PCM1: variants seen among roughly 807,000 people sequenced by gnomAD.
PCM1 encodes the protein pericentriolar material 1 protein.
A neutral mutation model predicts 241.9 loss-of-function variants in PCM1; 157 were observed. The ratio of observed to expected loss-of-function variants is 0.65; its 90% confidence interval spans 0.57 to 0.74. PCM1 has a LOEUF of 0.74. PCM1 is among the 30% of genes least tolerant of loss of function. The pLI is 0.00. For missense variants in PCM1, 3,478 were observed against 2,360.1 expected, an observed-to-expected ratio of 1.47 and a Z score of -9.81; for synonymous variants, 1,085 against 784.9, an observed-to-expected ratio of 1.38 and a Z score of -6.39.
intron 36 of PCM1, among the ~76,000 whole-genome samples, chr8:18,018,261 T>C (rs1297136020): frequency 1.3e-5 from 2 of 152,210 alleles, no homozygotes; most frequent in Non-Finnish European, 2.9e-5. Context: ...CTGCTCTGTT[T>C]CCTACAAGCA....
chr8:17,986,225 T>C (rs1454109598), intron 26 of PCM1, 138 bp downstream of exon 26: 5 of 559,328 alleles, frequency 8.9e-6, no homozygotes, highest in Non-Finnish European at 1.5e-5. Flanking sequence ...GTATAATGTG[T>C]TATTTTATTT....
chr8:17,955,703 A>T, intron 10 of PCM1, 50 bp downstream of exon 10: 1 of 1,374,786 alleles, frequency 7.3e-7, no homozygotes, highest in Non-Finnish European at 1.0e-6. Flanking sequence ...ATAGGGATAA[A>T]TTCTGTTTTT....
At chr8:18,005,469 T>C (rs1438220123) in intron 29 of PCM1, among the ~76,000 whole-genome samples, 1 of 151,774 alleles carries the variant, frequency 6.6e-6, no homozygotes, top group African/African-American at 2.4e-5. Flanking sequence ...TATAGATATG[T>C]ATTGGTGGGG....
At chr8:18,023,474 A>G (rs779441356) in intron 36 of PCM1, among the ~76,000 whole-genome samples, 3 of 152,214 alleles carry the variant, frequency 2.0e-5, no homozygotes, top group Admixed American at 6.5e-5. Flanking sequence ...TCTTCAAGCA[A>G]TACAATCTGA....
chr8:17,926,437 A>G (rs535189861), intron 2 of PCM1: 1 of 152,352 alleles, frequency 6.6e-6, no homozygotes, highest in South Asian at 2.1e-4. Flanking sequence ...ACTACAGATA[A>G]AACAGTGTGC....
Position 17,980,696 on chromosome 8 carries a change from A to G in PCM1, c.4049A>G (p.Lys1350Arg). The G allele has an allele frequency of 1.2e-6, 2 of 1,613,174 alleles. No homozygotes were observed. The highest frequency in any genetic ancestry group is 1.7e-4 in the Middle Eastern group (1 of 6,060). The change falls in exon 24 of 39, where the codon AAG becomes AGG. Residue 1350 changes from lysine (K) to arginine (R), a missense_variant. Physicochemically the swap from Lys to Arg is conservative, Grantham distance 26 (BLOSUM62 2). Coordinates refer to ENST00000325083, the MANE Select transcript of PCM1 (RefSeq NM_006197.4). ...GTTCAAGCAAAAGTATTCAGCAGAA[A>G]GAATCATGAGCAACTGGAAAAAATA... ...EPVQAKVFSR[K>R]NHEQLEKIIK...
chr8:17,928,415 T>C (rs1461021375), intron 2 of PCM1, among the ~76,000 whole-genome samples: 2 of 152,134 alleles, frequency 1.3e-5, no homozygotes, highest in Non-Finnish European at 2.9e-5. Context: ...GGAACACCTT[T>C]GGTTTCCTAC....
At chr8:17,929,501 G>T (rs919793253) in intron 2 of PCM1, among the ~76,000 whole-genome samples, 4 of 152,120 alleles carry the variant, frequency 2.6e-5, no homozygotes, top group African/African-American at 9.7e-5. Flanking sequence ...GTGTATTATA[G>T]GCACATCAAA....
In PCM1 at chr8:17,956,859, G is replaced by A. The variant is rs1209667814; in HGVS notation, c.1646+82G>A. 3.6e-6 allele frequency: 4 copies of A among 1,106,674 alleles called. No homozygotes were observed. In the East Asian group the frequency reaches 7.6e-5, roughly 21 times the overall value. The allele number at this position is 1,106,674 out of a possible 1,614,324, so 68.6% of individuals were successfully genotyped here. A position where few individuals can be genotyped will look rare whatever the true frequency, so the allele number is the denominator to read the frequency against. ...AATGTGGGAACAAAAATACTTCGTT[G>A]TAGTATTTACTATTTGCCTTTTATT... is the stretch of plus-strand genomic sequence containing the variant. On this transcript the variant is annotated intron_variant, in intron 11 of 38. Coordinates refer to ENST00000325083, the MANE Select transcript of PCM1 (RefSeq NM_006197.4).
intron 23 of PCM1, among the ~76,000 whole-genome samples, chr8:17,974,450 A>T (rs1231765248): frequency 6.6e-6 from 1 of 152,226 alleles, no homozygotes; most frequent in Admixed American, 6.5e-5. Flanking sequence ...TGAGTTTCAC[A>T]TGAATCTCCT....
intron 29 of PCM1, among the ~76,000 whole-genome samples, chr8:18,002,815 C>G (rs966913649): frequency 9.8e-5 from 12 of 122,234 alleles, no homozygotes; most frequent in South Asian, 2.3e-4. Context: ...TTGCATTTCT[C>G]TGATGGTCAG....
intron 15 of PCM1, 31 bp from the exon 16 acceptor site, chr8:17,962,003 C>G: frequency 6.3e-7 from 1 of 1,583,212 alleles, no homozygotes; most frequent in South Asian, 1.1e-5. Context: ...GCTTTAATTC[C>G]TCATAACGTT....
intron 9 of PCM1, among the ~76,000 whole-genome samples, chr8:17,954,321 G>A (rs1038002400): frequency 6.6e-6 from 1 of 151,974 alleles, no homozygotes; most frequent in Non-Finnish European, 1.5e-5. Flanking sequence ...CAGCTACTCC[G>A]GAGGCTGAGG....
rs544772180 is a variant in PCM1 at position 17,959,116 on chromosome 8, A to T, written c.2041-898A>T. 3.9e-5 allele frequency among the ~76,000 whole-genome samples: 6 copies of T among 152,266 alleles called. No individual in the cohort carries two copies. The South Asian group carries it at 1.2e-3, about 32-fold the overall frequency. On this transcript the variant is annotated intron_variant, in intron 13 of 38. Transcript: ENST00000325083. Reference sequence around the variant, plus strand: ...CAGTTAGGTACATCACTATGCACCTATTTTTAAAAAAATACATGACGTTTT... The same window carrying T: ...CAGTTAGGTACATCACTATGCACCTTTTTTTAAAAAAATACATGACGTTTT...
chr8:17,968,957 C>A (rs1349988399), intron 21 of PCM1, among the ~76,000 whole-genome samples: 8 of 151,962 alleles, frequency 5.3e-5, no homozygotes, highest in Non-Finnish European at 4.4e-5. Flanking sequence ...CATACCCACA[C>A]CAACTCTATA....
intron 26 of PCM1, 111 bp from the exon 27 acceptor site, chr8:17,989,744 TATGA>T: frequency 1.8e-6 from 1 of 564,896 alleles, no homozygotes; most frequent in Non-Finnish European, 2.7e-6. Flanking sequence ...TGAGGAAACT[TATGA>T]ATATCTTTTA....
chr8:17,949,149 C>G (rs181079417), intron 7 of PCM1, among the ~76,000 whole-genome samples: 14 of 152,144 alleles, frequency 9.2e-5, no homozygotes, highest in Non-Finnish European at 1.5e-4. Flanking sequence ...GAACTTCATA[C>G]TATTTCAAAA....
intron 3 of PCM1, among the ~76,000 whole-genome samples, chr8:17,936,526 G>A (rs79135392): frequency 0.037 from 5,659 of 152,146 alleles, 165 homozygotes; most frequent in African/African-American, 0.074. Context: ...CATATTAGCT[G>A]TTACCATGTA....
intron 23 of PCM1, among the ~76,000 whole-genome samples, chr8:17,975,322 C>T (rs1435786244): frequency 6.6e-6 from 1 of 152,096 alleles, no homozygotes; most frequent in Non-Finnish European, 1.5e-5. Flanking sequence ...TGCCACCACA[C>T]CCGGCTAATT....
Sources: gnomAD v4.1 joint callset for allele counts (sites outside exome capture counted in the v4.1 genomes callset) on GRCh38, gnomAD v4.1.1 for gene constraint, MANE v1.5 for transcripts, NCBI Gene and HGNC (gene_info 2026-07-23, HGNC 2026-07-21) for gene names.